Variants in SH2D4A observed in about 807,000 individuals in gnomAD.
The protein encoded by SH2D4A is SH2 domain-containing protein 4A.
Under a neutral mutation model 64.7 loss-of-function variants are expected in SH2D4A, and 70 were observed. That is an observed-to-expected ratio of 1.08 (90% CI 0.89 to 1.32). The LOEUF (loss-of-function observed/expected upper bound fraction) is 1.32, where lower values mean the gene tolerates loss of function less well. SH2D4A is among the 40% of genes most tolerant of loss of function. SH2D4A has a pLI of 0.00. For missense variants in SH2D4A, 706 were observed against 540.1 expected, an observed-to-expected ratio of 1.31 and a Z score of -3.04; for synonymous variants, 268 against 200.7, an observed-to-expected ratio of 1.34 and a Z score of -2.83.
At chr8:19,346,855 C>T (rs563747087) in intron 4 of SH2D4A, among the ~76,000 whole-genome samples, 1 of 152,318 alleles carries the variant, frequency 6.6e-6, no homozygotes, top group East Asian at 1.9e-4. Context: ...CAACCCACAT[C>T]CTCTGGCAAG....
intron 4 of SH2D4A, among the ~76,000 whole-genome samples, chr8:19,335,505 A>G (rs980024052): frequency 3.3e-5 from 5 of 152,212 alleles, no homozygotes; most frequent in Admixed American, 2.0e-4. Context: ...CATTTTCTGT[A>G]AAGTGCAACA....
rs371391629 is a variant in SH2D4A at position 19,333,080 on chromosome 8, C to T, written c.307C>T (p.Arg103Trp). The change falls in exon 3 of 10, where the codon CGG (arginine) becomes TGG (tryptophan). Residue 103 changes from arginine to tryptophan, a missense_variant. Transcript: ENST00000265807. Reference sequence around the variant, plus strand: ...TAATGAAATTATTGCTGAGAGGGCCCGGCTGAAAGCAGAACAGGAGGCAGA... The same window carrying T: ...TAATGAAATTATTGCTGAGAGGGCCTGGCTGAAAGCAGAACAGGAGGCAGA... ...LCNEIIAERA[R>W]LKAEQEAEEP... The T allele has an allele frequency of 2.7e-5, 43 of 1,613,474 alleles. No individual in the cohort carries two copies. The highest frequency in any genetic ancestry group is 1.5e-4 in the African/African-American group (11 of 74,834).
chr8:19,344,296 G>C (rs1458905656), intron 4 of SH2D4A, among the ~76,000 whole-genome samples: 1 of 152,128 alleles, frequency 6.6e-6, no homozygotes, highest in Admixed American at 6.5e-5. Flanking sequence ...TCCGCTTACA[G>C]GTATATTCAC....
chr8:19,319,297 C>T (rs1321585358), intron 1 of SH2D4A, 47 bp from the exon 2 acceptor site: 4 of 1,163,472 alleles, frequency 3.4e-6, no homozygotes, highest in Non-Finnish European at 4.2e-6. Context: ...AGCCAGTGTC[C>T]ACACATTTTA....
chr8:19,364,377 G>A, intron 7 of SH2D4A, 95 bp downstream of exon 7: 2 of 1,396,976 alleles, frequency 1.4e-6, no homozygotes, highest in Non-Finnish European at 2.0e-6. Context: ...CTGCCATGGG[G>A]TGTGGAGGGC....
chr8:19,390,425 G>T (rs1422592489), intron 8 of SH2D4A, among the ~76,000 whole-genome samples: 1 of 152,078 alleles, frequency 6.6e-6, no homozygotes, highest in Admixed American at 6.5e-5. Flanking sequence ...TTAGATTTTG[G>T]TTTTGTGCTC....
At chr8:19,319,205 T>C (rs185030075) in intron 1 of SH2D4A, 139 bp from the exon 2 acceptor site, 226 of 436,530 alleles carry the variant, frequency 5.2e-4, no homozygotes, top group Non-Finnish European at 6.3e-4. Flanking sequence ...AAAGTGTGCC[T>C]CAGATTTTCT....
chr8:19,361,602 T>A (rs533236693), intron 6 of SH2D4A, among the ~76,000 whole-genome samples: 2 of 152,312 alleles, frequency 1.3e-5, no homozygotes, highest in African/African-American at 4.8e-5. Flanking sequence ...TTTAATGATC[T>A]TAGACTGTTT....
chr8:19,347,968 C>G (rs1314989655), intron 4 of SH2D4A, among the ~76,000 whole-genome samples: 2 of 152,218 alleles, frequency 1.3e-5, no homozygotes, highest in African/African-American at 4.8e-5. Context: ...CCCCAAGGCT[C>G]TGACACCTGT....
chr8:19,372,284 GCAGCTCTCCCAAGGGCTCTATGATTTACA>G (rs1386376583), intron 7 of SH2D4A, among the ~76,000 whole-genome samples: 2 of 152,136 alleles, frequency 1.3e-5, no homozygotes, highest in African/African-American at 4.8e-5. Flanking sequence ...CAGGCTTGCT[GCAGCTCTCCCAAGGGCTCTATGATTTACA>G]CAGCTCTCCC....
intron 4 of SH2D4A, among the ~76,000 whole-genome samples, chr8:19,351,832 G>A (rs979797426): frequency 1.1e-4 from 16 of 152,048 alleles, no homozygotes; most frequent in African/African-American, 3.4e-4. Context: ...CGCCCAGGCT[G>A]GAGTGCAGTG....
intron 4 of SH2D4A, among the ~76,000 whole-genome samples, chr8:19,339,833 C>G (rs1585158633): frequency 6.6e-6 from 1 of 152,072 alleles, no homozygotes; most frequent in South Asian, 2.1e-4. Flanking sequence ...AATGTATCGA[C>G]AGTGAGGAGA....
Position 19,325,116 on chromosome 8 carries a change from A to G in SH2D4A, c.181+5388A>G, listed in dbSNP as rs1296811981. Among the ~76,000 whole-genome samples, 4 of 152,126 alleles carry G rather than the reference A, an allele frequency of 2.6e-5. No individual in the cohort carries two copies. In the East Asian group the frequency reaches 5.8e-4, roughly 22 times the overall value. On this transcript the variant is annotated intron_variant, in intron 2 of 9. Transcript: ENST00000265807. ...CTGCTGGTCCTGCCTTTTACTCTCT[A>G]TGATGATGGGTGGTATTGCTCTGTT... is the stretch of plus-strand genomic sequence containing the variant.
At chr8:19,326,665 T>A (rs937429254) in intron 2 of SH2D4A, among the ~76,000 whole-genome samples, 2 of 151,924 alleles carry the variant, frequency 1.3e-5, no homozygotes, top group African/African-American at 2.4e-5. Context: ...TATGTGTGAG[T>A]GTGTGTGTGT....
intron 3 of SH2D4A, among the ~76,000 whole-genome samples, chr8:19,333,497 C>T (rs185018093): frequency 1.3e-5 from 2 of 152,202 alleles, no homozygotes; most frequent in African/African-American, 4.8e-5. Flanking sequence ...GCCGACGCAG[C>T]TGAGTATCAG....
At chr8:19,377,364 G>C (rs1053786794) in intron 8 of SH2D4A, among the ~76,000 whole-genome samples, 2 of 152,166 alleles carry the variant, frequency 1.3e-5, no homozygotes, top group Non-Finnish European at 2.9e-5. Flanking sequence ...CCTGGGAGCA[G>C]AGTAAGACTC....
intron 4 of SH2D4A, among the ~76,000 whole-genome samples, chr8:19,337,260 G>C (rs1056759541): frequency 3.9e-5 from 6 of 152,260 alleles, no homozygotes; most frequent in Non-Finnish European, 7.4e-5. Context: ...TGATTTCACA[G>C]CTAGTGTGAG....
intron 2 of SH2D4A, among the ~76,000 whole-genome samples, chr8:19,326,016 C>A (rs1347149249): frequency 5.9e-5 from 9 of 152,156 alleles, no homozygotes; most frequent in Non-Finnish European, 1.2e-4. Context: ...TGTGTGGTTG[C>A]CACCCCAGCG....
intron 1 of SH2D4A, among the ~76,000 whole-genome samples, chr8:19,314,493 C>G (rs917883953): frequency 2.0e-5 from 3 of 152,066 alleles, no homozygotes; most frequent in Non-Finnish European, 4.4e-5. Context: ...CCAGTGCGCT[C>G]AGCCAAGCGG....
Sources: allele counts gnomAD v4.1 joint callset (sites outside exome capture counted in the v4.1 genomes callset), GRCh38; gene constraint gnomAD v4.1.1; transcripts MANE v1.5; gene names NCBI Gene and HGNC (gene_info 2026-07-23, HGNC 2026-07-21).